Variants in INPP5K observed in about 807,000 individuals in gnomAD.
INPP5K encodes inositol polyphosphate 5-phosphatase K.
Under a neutral mutation model 53.5 loss-of-function variants are expected in INPP5K, and 35 were observed. The observed-to-expected ratio is 0.65, with a 90% CI of 0.50 to 0.87. INPP5K has a LOEUF of 0.87. Ranked by LOEUF, INPP5K falls within the 40% of genes least tolerant of loss-of-function variation. The pLI is 0.00. For synonymous variants in INPP5K, 253 were observed against 232.8 expected (o/e 1.09, Z -0.79); for missense variants, 550 against 586.2 (o/e 0.94, Z 0.64).
intron 1 of INPP5K, chr17:1,515,518 C>A: frequency 1.0e-6 from 1 of 985,642 alleles, no homozygotes; most frequent in Non-Finnish European, 1.2e-6. Flanking sequence ...ACAGACCCTG[C>A]AGAGACCAGG....
chr17:1,507,855 T>G, intron 6 of INPP5K: 1 of 362,622 alleles, frequency 2.8e-6, no homozygotes, highest in Admixed American at 4.3e-5. Flanking sequence ...CCTATTCTTC[T>G]TTTTTAAATA....
chr17:1,495,965 C>G, intron 11 of INPP5K, 86 bp from the exon 12 acceptor site: 2 of 1,409,928 alleles, frequency 1.4e-6, no homozygotes, highest in Admixed American at 3.4e-5. Context: ...TGCAGCGGCC[C>G]CTCATGTACC....
At position 1,513,445 on chromosome 17, in the gene INPP5K, C is replaced by G. The variant is rs1445909358; in HGVS notation, c.261+8G>C. The G allele has an allele frequency of 1.2e-5, 19 of 1,610,924 alleles. No homozygotes were observed. Among genetic ancestry groups the G allele is most frequent in the Non-Finnish European group, 1.5e-5 (18 of 1,177,222 alleles). On this transcript the variant is annotated splice_region_variant and intron_variant, in intron 3 of 11. Transcript: ENST00000421807. ...CAGTTGTCAAGTGCCAATGAACTGG[C>G]AAGTTACCTTGATGAAGCTCAGAGG...
chr17:1,509,451 G>A, intron 4 of INPP5K, 98 bp from the exon 5 acceptor site: 2 of 1,215,040 alleles, frequency 1.6e-6, no homozygotes, highest in Non-Finnish European at 2.4e-6. Context: ...CTCACTTCCT[G>A]CAGGGTCTCC....
intron 3 of INPP5K, among the ~76,000 whole-genome samples, chr17:1,512,127 G>A (rs1191797300): frequency 1.3e-5 from 2 of 152,184 alleles, no homozygotes; most frequent in African/African-American, 4.8e-5. Context: ...CATTCATTTT[G>A]GGTGCCAGGC....
Position 1,508,100 on chromosome 17 carries a change from C to T in INPP5K, c.666+15G>A. ...GGCTCAGATCACCCCCTGGGACCCT[C>T]CCCTCACTGGATACCTGGTCCTTCT... On this transcript the variant is annotated intron_variant, in intron 6 of 11. Transcript: ENST00000421807. 6.3e-7 allele frequency: 1 copy of T among 1,576,700 alleles called. No individual in the cohort carries two copies. Among genetic ancestry groups the T allele is most frequent in the East Asian group, 2.2e-5 (1 of 44,696 alleles).
At position 1,495,626 on chromosome 17, in the gene INPP5K, A is replaced by G; in HGVS notation, c.*197T>C. 1.8e-6 allele frequency: 1 copy of G among 564,608 alleles called. No individual in the cohort carries two copies. The highest frequency in any genetic ancestry group is 2.4e-5 in the South Asian group (1 of 42,464). 35.0% of individuals were successfully genotyped at this position (564,608 alleles called of 1,614,324 possible). On this transcript the variant is annotated 3_prime_UTR_variant, in exon 12 of 12. Transcript: ENST00000421807. ...TCACATCTCAGCAACAAAAACCTGT[A>G]TTTAAGCGGCTAATTCCAGAGATGA...
At chr17:1,503,030 C>T (rs1209758088) in intron 7 of INPP5K, among the ~76,000 whole-genome samples, 6 of 152,050 alleles carry the variant, frequency 3.9e-5, no homozygotes, top group Non-Finnish European at 7.4e-5. Flanking sequence ...GCTGGGACTA[C>T]GGGTATGTGC....
chr17:1,498,139 C>A lies in INPP5K; in HGVS notation c.777-17G>T. 1.3e-6 allele frequency: 2 copies of A among 1,574,808 alleles called. No individual in the cohort carries two copies. The highest frequency in any genetic ancestry group is 1.7e-6 in the Non-Finnish European group (2 of 1,154,644). On this transcript the variant is annotated splice_polypyrimidine_tract_variant and intron_variant, in intron 7 of 11. Coordinates refer to ENST00000421807, the MANE Select transcript of INPP5K (RefSeq NM_016532.4). Reference sequence around the variant, plus strand: ...TTTTTCTCACTGCAGGGGCAGGGGGCATAAAGAGGAAGAATGGGGAAAGAA... The same window carrying A: ...TTTTTCTCACTGCAGGGGCAGGGGGAATAAAGAGGAAGAATGGGGAAAGAA...
At position 1,502,256 on chromosome 17, in the gene INPP5K, A is replaced by G. The variant is rs565015464; in HGVS notation, c.777-4134T>C. Reference sequence around the variant, plus strand: ...CCCAGCTACTCAGGAGGCTGAGGCAAGAGAATGGCGTGAACCCGGGAGACA... The same window carrying G: ...CCCAGCTACTCAGGAGGCTGAGGCAGGAGAATGGCGTGAACCCGGGAGACA... On this transcript the variant is annotated intron_variant, in intron 7 of 11. Transcript: ENST00000421807. Among the ~76,000 whole-genome samples the G allele has an allele frequency of 2.5e-3, 374 of 152,174 alleles. 1 individual carries two copies. Among genetic ancestry groups the G allele is most frequent in the Admixed American group, 5.7e-3 (87 of 15,288 alleles).
chr17:1,495,170 T>C lies in INPP5K; in HGVS notation c.*653A>G, dbSNP rs548755268. 1 of 152,360 alleles carries C rather than the reference T, an allele frequency of 6.6e-6. No individual in the cohort carries two copies. The highest frequency in any genetic ancestry group is 2.1e-4 in the South Asian group (1 of 4,832). 9.4% of individuals were successfully genotyped at this position (152,360 alleles called of 1,614,324 possible). ...GTCAGGATCTGGAACTTCCATGCAGTCAGACTCCATGCCGTGAGTAGGGAG... is the reference window on the plus strand; with the variant it reads ...GTCAGGATCTGGAACTTCCATGCAGCCAGACTCCATGCCGTGAGTAGGGAG... On this transcript the variant is annotated 3_prime_UTR_variant, in exon 12 of 12. Transcript: ENST00000421807.
Position 1,496,670 on chromosome 17 carries a change from T to C in INPP5K, c.1097A>G (p.Tyr366Cys). Residue 366 changes from tyrosine to cysteine, a missense_variant, in exon 9 of 12, where the codon TAC (tyrosine) becomes TGC (cysteine). Transcript: ENST00000421807. Reference protein sequence around the residue: ...PSSPWDWIGLYKVGLRDVNDY... With the variant: ...PSSPWDWIGLCKVGLRDVNDY... The stretch of plus-strand genomic sequence containing the variant: ...CCTGCCTTGCCACCACATCACCTTG[T>C]ACAGTCCAATCCAGTCCCACGGGCT... The C allele has an allele frequency of 6.2e-7, 1 of 1,614,168 alleles. No individual in the cohort carries two copies. The highest frequency in any genetic ancestry group is 1.6e-4 in the Middle Eastern group (1 of 6,062).
Position 1,495,949 on chromosome 17 carries a change from C to T in INPP5K, c.1291-70G>A, listed in dbSNP as rs573188602. On this transcript the variant is annotated intron_variant, in intron 11 of 11. Coordinates refer to ENST00000421807, the MANE Select transcript of INPP5K (RefSeq NM_016532.4). Reference sequence around the variant, plus strand: ...TCCGTGCTTTCCATCACCCCCGTTCCTGCACTGCAGCGGCCCCTCATGTAC... The same window carrying T: ...TCCGTGCTTTCCATCACCCCCGTTCTTGCACTGCAGCGGCCCCTCATGTAC... 11 of 1,452,400 alleles carry T rather than the reference C, an allele frequency of 7.6e-6. No individual in the cohort carries two copies. In the Admixed American group the frequency reaches 1.9e-4, roughly 25 times the overall value. The allele number at this position is 1,452,400 out of a possible 1,614,324, so 90.0% of individuals were successfully genotyped here. A position where few individuals can be genotyped will look rare whatever the true frequency, so the allele number is the denominator to read the frequency against.
In INPP5K at chr17:1,507,074, T is replaced by C. The variant is rs2075175963; in HGVS notation, c.682A>G (p.Lys228Glu). 6.2e-7 allele frequency: 1 copy of C among 1,613,970 alleles called. No individual in the cohort carries two copies. The highest frequency in any genetic ancestry group is 8.5e-7 in the Non-Finnish European group (1 of 1,179,938). Residue 228 changes from lysine to glutamate, a missense_variant, in exon 7 of 12, where the codon AAA becomes GAA. By Grantham distance (56) the Lys-to-Glu change is moderately conservative (BLOSUM62 1). Coordinates refer to ENST00000421807, the MANE Select transcript of INPP5K (RefSeq NM_016532.4). ...WEKDQLSIAK[K>E]HDPLLREFQE... ...AACTCCCGGAGCAGCGGGTCATGTT[T>C]CTTGGCAATGCTGAGCTGCAGACAA...
At chr17:1,513,820 A>G (rs868622609) in intron 2 of INPP5K, 52 bp downstream of exon 2, 2 of 1,400,704 alleles carry the variant, frequency 1.4e-6, no homozygotes, top group Middle Eastern at 1.8e-4. Context: ...TGCTTCCCAC[A>G]GGGAAACCTG....
At chr17:1,511,059 C>T (rs2075295098) in intron 3 of INPP5K, among the ~76,000 whole-genome samples, 1 of 152,144 alleles carries the variant, frequency 6.6e-6, no homozygotes, top group Admixed American at 6.5e-5. Context: ...ATGCTCCCCC[C>T]AAACCCCATA....
At chr17:1,503,784 G>A (rs190351850) in intron 7 of INPP5K, among the ~76,000 whole-genome samples, 6 of 152,212 alleles carry the variant, frequency 3.9e-5, no homozygotes, top group African/African-American at 9.6e-5. Flanking sequence ...GTGTAACCCC[G>A]GACTTTAGCA....
At chr17:1,508,833 G>A (rs1039101862) in intron 5 of INPP5K, 4 of 274,128 alleles carry the variant, frequency 1.5e-5, no homozygotes, top group East Asian at 1.5e-4. Context: ...AGGCTCACTC[G>A]TGGGGGTCAG....
rs577350042 is a variant in INPP5K, at chr17:1,503,503, A to T, written c.776+3477T>A. ...CGGCCACACCAGGCCTTTTAAAAAA[A>T]TTTTGCAGGGGGAGGGTTCTCACTC... On this transcript the variant is annotated intron_variant, in intron 7 of 11. Transcript: ENST00000421807. Among the ~76,000 whole-genome samples the T allele has an allele frequency of 9.9e-5, 15 of 151,958 alleles. 1 individual carries two copies. The South Asian group carries it at 2.9e-3, about 30-fold the overall frequency.
Sources: allele counts gnomAD v4.1 joint callset (sites outside exome capture counted in the v4.1 genomes callset), GRCh38; gene constraint gnomAD v4.1.1; transcripts MANE v1.5; gene names NCBI Gene and HGNC (gene_info 2026-07-23, HGNC 2026-07-21).